The following DSCAML1 variants were observed in gnomAD, a reference collection of about 807,000 sequenced individuals.
DSCAML1 encodes DS cell adhesion molecule like 1.
Under a neutral mutation model 200.5 loss-of-function variants are expected in DSCAML1, and 38 were observed. That is an observed-to-expected ratio of 0.19 (90% CI 0.15 to 0.25). DSCAML1 has a LOEUF of 0.25. DSCAML1 is among the 10% of genes least tolerant of loss of function. The pLI is 1.00. For synonymous variants in DSCAML1, 1,215 were observed against 1,165.0 expected (o/e 1.04, Z -0.87); for missense variants, 2,223 against 2,858.8 (o/e 0.78, Z 5.07).
chr11:117,604,578 C>A (rs755888215), intron 3 of DSCAML1, among the ~76,000 whole-genome samples: 1 of 152,232 alleles, frequency 6.6e-6, no homozygotes, highest in Non-Finnish European at 1.5e-5. Context: ...GGCAAGGCGG[C>A]CAGCTCATCA....
At chr11:117,650,667 C>CTG (rs66966642) in intron 3 of DSCAML1, among the ~76,000 whole-genome samples, 12,745 of 143,406 alleles carry the variant, frequency 0.089, 972 homozygotes, top group African/African-American at 0.21. Context: ...GTGTGTCTAT[C>CTG]TGTGTGTGTG....
intron 3 of DSCAML1, among the ~76,000 whole-genome samples, chr11:117,647,458 C>T (rs541692286): frequency 6.9e-4 from 105 of 152,290 alleles, no homozygotes; most frequent in Non-Finnish European, 5.6e-4. Flanking sequence ...TTCCCAGGAG[C>T]GTATTTCTCA....
At chr11:117,438,672 C>T (rs766541263) in intron 24 of DSCAML1, among the ~76,000 whole-genome samples, 1 of 152,206 alleles carries the variant, frequency 6.6e-6, no homozygotes, top group Non-Finnish European at 1.5e-5. Context: ...TCACACAGCT[C>T]ACAAGTGGCA....
intron 2 of DSCAML1, among the ~76,000 whole-genome samples, chr11:117,777,875 C>T (rs1396000502): frequency 6.6e-6 from 1 of 152,206 alleles, no homozygotes; most frequent in Non-Finnish European, 1.5e-5. Flanking sequence ...TGGCCTCTCC[C>T]AGGCCTCGCT....
chr11:117,564,276 C>A (rs1314509336), intron 3 of DSCAML1, among the ~76,000 whole-genome samples: 1 of 152,162 alleles, frequency 6.6e-6, no homozygotes, highest in Non-Finnish European at 1.5e-5. Flanking sequence ...GTATCTGGGC[C>A]AACTCATTGC....
intron 3 of DSCAML1, among the ~76,000 whole-genome samples, chr11:117,684,803 T>G (rs2053377566): frequency 6.6e-6 from 1 of 152,260 alleles, no homozygotes; most frequent in South Asian, 2.1e-4. Flanking sequence ...CTTCATATAT[T>G]GCTGGGGCTT....
At chr11:117,626,697 C>G (rs996774933) in intron 3 of DSCAML1, among the ~76,000 whole-genome samples, 4 of 152,200 alleles carry the variant, frequency 2.6e-5, no homozygotes, top group Non-Finnish European at 4.4e-5. Flanking sequence ...ATTTTCCCAT[C>G]ATCATTGCAG....
At chr11:117,432,613 G>A (rs945417353) in intron 29 of DSCAML1, 109 bp from the exon 30 acceptor site, 1 of 1,312,638 alleles carries the variant, frequency 7.6e-7, no homozygotes, top group East Asian at 2.3e-5. Context: ...TTTTGTTTGT[G>A]GATTTGTTTG....
At chr11:117,472,138 G>A (rs1222867698) in intron 14 of DSCAML1, 102 bp from the exon 15 acceptor site, 30 of 1,346,774 alleles carry the variant, frequency 2.2e-5, no homozygotes, top group South Asian at 6.8e-5. Context: ...GGATGCCCGA[G>A]GGGTCCAGCT....
intron 7 of DSCAML1, among the ~76,000 whole-genome samples, chr11:117,517,125 T>C (rs2049786302): frequency 6.6e-6 from 1 of 152,036 alleles, no homozygotes; most frequent in Non-Finnish European, 1.5e-5. Flanking sequence ...GGGATTAAAG[T>C]GGAAAGGTAG....
chr11:117,453,054 C>T (rs1051705270), intron 19 of DSCAML1, among the ~76,000 whole-genome samples: 2 of 152,164 alleles, frequency 1.3e-5, no homozygotes, highest in Non-Finnish European at 2.9e-5. Context: ...CCTGCCTCAG[C>T]CTCCTAAGTA....
intron 3 of DSCAML1, among the ~76,000 whole-genome samples, chr11:117,654,743 G>A (rs765361798): frequency 1.3e-4 from 20 of 152,248 alleles, no homozygotes; most frequent in Admixed American, 4.6e-4. Flanking sequence ...CAGCTAGGAC[G>A]GCCTTGTTCT....
chr11:117,464,564 C>T (rs1471506615), intron 17 of DSCAML1, among the ~76,000 whole-genome samples: 1 of 152,144 alleles, frequency 6.6e-6, no homozygotes, highest in East Asian at 1.9e-4. Flanking sequence ...GACTAGAACA[C>T]AAAGGCAAAT....
intron 1 of DSCAML1, among the ~76,000 whole-genome samples, chr11:117,795,433 T>C (rs1340525596): frequency 6.7e-6 from 1 of 149,876 alleles, no homozygotes; most frequent in African/African-American, 2.5e-5. Context: ...AGGAAGAACC[T>C]GGGGAGAGGG....
At chr11:117,539,499 T>G (rs747061229) in intron 3 of DSCAML1, among the ~76,000 whole-genome samples, 2 of 148,262 alleles carry the variant, frequency 1.3e-5, no homozygotes, top group Non-Finnish European at 3.0e-5. Flanking sequence ...TCCCAGCTAC[T>G]CAGGAAGCTG....
At chr11:117,467,203 TCCCCCCG>T (rs1447327597) in intron 16 of DSCAML1, among the ~76,000 whole-genome samples, 3 of 95,032 alleles carry the variant, frequency 3.2e-5, no homozygotes, top group Non-Finnish European at 6.3e-5. Flanking sequence ...ACCTCCCCCC[TCCCCCCG>T]CCGCCAATAT....
intron 2 of DSCAML1, among the ~76,000 whole-genome samples, chr11:117,779,735 TAGAAATC>T (rs1274962645): frequency 2.0e-5 from 3 of 152,160 alleles, no homozygotes; most frequent in Non-Finnish European, 4.4e-5. Context: ...TCTACATTGT[TAGAAATC>T]AGAATAGTGG....
intron 1 of DSCAML1, among the ~76,000 whole-genome samples, chr11:117,792,035 A>G (rs2055475946): frequency 6.6e-6 from 1 of 152,206 alleles, no homozygotes; most frequent in Non-Finnish European, 1.5e-5. Context: ...TTTCTACCAC[A>G]CCAGTGGGTT....
At chr11:117,804,915 ACT>A (rs1249930314) in intron 1 of DSCAML1, among the ~76,000 whole-genome samples, 1 of 146,630 alleles carries the variant, frequency 6.8e-6, no homozygotes, top group East Asian at 2.0e-4. Flanking sequence ...TGGGTGACAG[ACT>A]CTGTCTCATA....
Sources: gnomAD v4.1 joint callset for allele counts (sites outside exome capture counted in the v4.1 genomes callset) on GRCh38, gnomAD v4.1.1 for gene constraint, MANE v1.5 for transcripts, NCBI Gene and HGNC (gene_info 2026-07-23, HGNC 2026-07-21) for gene names.